Variants in GPC6 observed in about 807,000 individuals in gnomAD.
GPC6 encodes glypican-6.
A neutral mutation model predicts 55.2 loss-of-function variants in GPC6; 14 were observed. The observed-to-expected ratio is 0.25, with a 90% CI of 0.17 to 0.40. The LOEUF is 0.40. Ranked by LOEUF, GPC6 falls within the 10% of genes least tolerant of loss-of-function variation. GPC6 has a pLI of 1.00. For synonymous variants in GPC6, 278 were observed against 259.6 expected, an observed-to-expected ratio of 1.07 and a Z score of -0.68; for missense variants, 641 against 708.5, an observed-to-expected ratio of 0.90 and a Z score of 1.08.
chr13:94,358,286 C>CA (rs572937217), intron 6 of GPC6, among the ~76,000 whole-genome samples: 1,466 of 63,584 alleles, frequency 0.023, 8 homozygotes, highest in African/African-American at 0.045. Context: ...AAGACTCCGT[C>CA]AAAAAAAAAA....
intron 2 of GPC6, among the ~76,000 whole-genome samples, chr13:93,699,680 T>C (rs1245970032): frequency 6.6e-6 from 1 of 152,146 alleles, no homozygotes; most frequent in Admixed American, 6.6e-5. Context: ...ATCATATGCT[T>C]TCTATAGGAA....
intron 6 of GPC6, among the ~76,000 whole-genome samples, chr13:94,338,793 G>A (rs1267521836): frequency 6.6e-6 from 1 of 152,198 alleles, no homozygotes; most frequent in East Asian, 1.9e-4. Flanking sequence ...GAGAGCCCAG[G>A]CAGGAACTGG....
chr13:93,915,343 A>G (rs1008046886), intron 3 of GPC6, among the ~76,000 whole-genome samples: 2 of 152,202 alleles, frequency 1.3e-5, no homozygotes, highest in Non-Finnish European at 2.9e-5. Context: ...TGCCTTTGAG[A>G]GAATGAATAT....
At chr13:93,788,629 A>T (rs1885890621) in intron 2 of GPC6, among the ~76,000 whole-genome samples, 1 of 151,848 alleles carries the variant, frequency 6.6e-6, no homozygotes, top group East Asian at 1.9e-4. Context: ...ATACCTCCCA[A>T]GTGCATTGAT....
chr13:94,254,180 T>G (rs1566598060), intron 4 of GPC6, among the ~76,000 whole-genome samples: 1 of 152,162 alleles, frequency 6.6e-6, no homozygotes, highest in Non-Finnish European at 1.5e-5. Flanking sequence ...GCCTTTGGCA[T>G]GTACTGGCCT....
At chr13:94,318,147 A>G (rs1035657174) in intron 6 of GPC6, among the ~76,000 whole-genome samples, 2 of 152,168 alleles carry the variant, frequency 1.3e-5, no homozygotes, top group South Asian at 2.1e-4. Context: ...AGAAGATAAG[A>G]GTATCCTTTC....
rs141598668 is a variant in GPC6 at position 93,463,607 on chromosome 13, C to A, written c.161-81656C>A. ...TATCTCATTAGTAATTTTTAGCATG[C>A]CACTGTGTACCAATGTTGAACTTTA... On this transcript the variant is annotated intron_variant, in intron 1 of 8. Transcript: ENST00000377047. Among the ~76,000 whole-genome samples, 61 of 152,274 alleles carry A rather than the reference C, an allele frequency of 4.0e-4. No individual in the cohort carries two copies. The East Asian group carries it at 0.01, about 25-fold the overall frequency.
chr13:94,253,856 C>T (rs1891428794), intron 4 of GPC6, among the ~76,000 whole-genome samples: 1 of 152,116 alleles, frequency 6.6e-6, no homozygotes. Flanking sequence ...TGACGGAACA[C>T]TTTATCAATT....
chr13:93,240,061 T>C (rs2139014000), intron 1 of GPC6, among the ~76,000 whole-genome samples: 1 of 152,244 alleles, frequency 6.6e-6, no homozygotes, highest in South Asian at 2.1e-4. Flanking sequence ...GTATGGTCTA[T>C]CTTGGAAACT....
upstream of GPC6, among the ~76,000 whole-genome samples, chr13:93,226,027 C>G (rs1239141188): frequency 2.6e-5 from 4 of 152,186 alleles, no homozygotes; most frequent in East Asian, 7.7e-4. Flanking sequence ...TGAATTTTCA[C>G]TTTTATCCCG....
intron 1 of GPC6, among the ~76,000 whole-genome samples, chr13:93,347,234 G>A (rs1323542547): frequency 6.6e-6 from 1 of 152,140 alleles, no homozygotes; most frequent in Non-Finnish European, 1.5e-5. Context: ...CATTGCATTA[G>A]ATGAAATAAA....
At chr13:93,376,886 T>C (rs1296115612) in intron 1 of GPC6, among the ~76,000 whole-genome samples, 2 of 152,148 alleles carry the variant, frequency 1.3e-5, no homozygotes, top group Non-Finnish European at 2.9e-5. Flanking sequence ...TATTATTTTC[T>C]GCTTCATTCG....
intron 7 of GPC6, among the ~76,000 whole-genome samples, chr13:94,387,764 C>CTCTCTCTCTG (rs1491569523): frequency 8.9e-4 from 97 of 109,042 alleles, no homozygotes; most frequent in African/African-American, 3.7e-3. Context: ...CTCTCTCTCT[C>CTCTCTCTCTG]TGCCGTGTGA....
At chr13:94,205,033 A>G (rs1889861908) in intron 4 of GPC6, among the ~76,000 whole-genome samples, 1 of 152,232 alleles carries the variant, frequency 6.6e-6, no homozygotes, top group South Asian at 2.1e-4. Flanking sequence ...CATGATAAGA[A>G]TGAATATTTG....
At chr13:93,999,922 C>T (rs1303195152) in intron 3 of GPC6, among the ~76,000 whole-genome samples, 1 of 152,176 alleles carries the variant, frequency 6.6e-6, no homozygotes, top group African/African-American at 2.4e-5. Context: ...TTCATTTTCT[C>T]ACAAATGACT....
intron 4 of GPC6, among the ~76,000 whole-genome samples, chr13:94,144,059 G>A (rs928966197): frequency 1.3e-5 from 2 of 152,120 alleles, no homozygotes; most frequent in African/African-American, 4.8e-5. Context: ...AAAAGAAGAC[G>A]TTTCCTGAAG....
At chr13:93,357,610 G>A (rs1880895525) in intron 1 of GPC6, among the ~76,000 whole-genome samples, 1 of 151,814 alleles carries the variant, frequency 6.6e-6, no homozygotes, top group African/African-American at 2.4e-5. Flanking sequence ...AGGCTGAAGT[G>A]GGCAGATTGC....
chr13:94,180,077 A>G (rs1416211261), intron 4 of GPC6, among the ~76,000 whole-genome samples: 1 of 152,150 alleles, frequency 6.6e-6, no homozygotes, highest in Non-Finnish European at 1.5e-5. Flanking sequence ...ACATACCTAC[A>G]GGATGGGACT....
chr13:93,365,285 C>T (rs1248617523), intron 1 of GPC6, among the ~76,000 whole-genome samples: 1 of 152,064 alleles, frequency 6.6e-6, no homozygotes, highest in Non-Finnish European at 1.5e-5. Context: ...GTGGAACTCT[C>T]CTGGCTCATT....
Sources: gnomAD v4.1 joint callset for allele counts (sites outside exome capture counted in the v4.1 genomes callset) on GRCh38, gnomAD v4.1.1 for gene constraint, MANE v1.5 for transcripts, NCBI Gene and HGNC (gene_info 2026-07-23, HGNC 2026-07-21) for gene names.